NR2C2: variants seen among roughly 807,000 people sequenced by gnomAD.
NR2C2 encodes Nuclear hormone receptor TR4.
A neutral mutation model predicts 62.9 loss-of-function variants in NR2C2; 6 were observed. That is an observed-to-expected ratio of 0.10 (90% CI 0.05 to 0.19). NR2C2 has a LOEUF of 0.19. NR2C2 is among the 10% of genes least tolerant of loss of function. The pLI is 1.00. For missense variants in NR2C2, 479 were observed against 762.7 expected (o/e 0.63, Z 4.38); for synonymous variants, 272 against 273.8 (o/e 0.99, Z 0.07).
At chr3:14,958,920 G>A (rs2039607384) in intron 1 of NR2C2, among the ~76,000 whole-genome samples, 1 of 152,230 alleles carries the variant, frequency 6.6e-6, no homozygotes, top group Admixed American at 6.5e-5. Flanking sequence ...AGGTTGCAGT[G>A]AGCCGAGATC....
rs1434413514 is a variant in NR2C2 at position 15,044,342 on chromosome 3, C to T, written c.*1334C>T. ...CCCAGGTGTGTGCCAGCCGACCACC[C>T]CGGAGCATTTTAAATGCAGGCTGCT... On this transcript the variant is annotated 3_prime_UTR_variant, in exon 14 of 14. Coordinates refer to ENST00000425241, the MANE Select transcript of NR2C2 (RefSeq NM_001291694.2). The T allele has an allele frequency of 2.0e-5, 3 of 152,182 alleles. No individual in the cohort carries two copies. Among genetic ancestry groups the T allele is most frequent in the Non-Finnish European group, 2.9e-5 (2 of 68,042 alleles). The allele number at this position is 152,182 out of a possible 1,614,324, so 9.4% of individuals were successfully genotyped here.
At chr3:15,024,267 T>G in intron 7 of NR2C2, 59 bp downstream of exon 7, 2 of 1,189,174 alleles carry the variant, frequency 1.7e-6, no homozygotes, top group Non-Finnish European at 2.4e-6. Context: ...AGGCTGCTTC[T>G]CTAACTGTGT....
chr3:15,006,004 G>C (rs868484659), intron 2 of NR2C2, among the ~76,000 whole-genome samples: 13 of 152,078 alleles, frequency 8.5e-5, no homozygotes, highest in Non-Finnish European at 1.3e-4. Context: ...CCAGGAGTTC[G>C]AGACCAGCCT....
chr3:15,023,388 A>G (rs374065278), intron 6 of NR2C2, 41 bp downstream of exon 6: 18 of 1,609,064 alleles, frequency 1.1e-5, no homozygotes, highest in Non-Finnish European at 1.2e-5. Context: ...TTTGCAGCTG[A>G]TGGAGGAGGC....
rs2042410429 is a variant in NR2C2, at chr3:15,045,298, G to A, written c.*2290G>A. 6.6e-6 allele frequency: 1 copy of A among 152,470 alleles called. No homozygotes were observed. Among genetic ancestry groups the A allele is most frequent in the African/African-American group, 2.4e-5 (1 of 41,442 alleles). The allele number at this position is 152,470 out of a possible 1,614,324, so 9.4% of individuals were successfully genotyped here. A position where few individuals can be genotyped will look rare whatever the true frequency, so the allele number is the denominator to read the frequency against. On this transcript the variant is annotated 3_prime_UTR_variant, in exon 14 of 14. Transcript: ENST00000425241. ...TCCCAGTTCTTGGTGTTGGTGAAAA[G>A]GTCTCCACCAGCCCCTCCTCTCATT...
chr3:15,042,766 A>G (rs1012896345), intron 13 of NR2C2, 68 bp from the exon 14 acceptor site: 2 of 1,455,410 alleles, frequency 1.4e-6, no homozygotes, highest in African/African-American at 2.8e-5. Flanking sequence ...GGACCCCAGG[A>G]GCCTTTGCTG....
In NR2C2 at chr3:14,979,790, C is replaced by T. The variant is rs368226372; in HGVS notation, c.-39-24086C>T. ...GGAGATGAGGTCAGAGTGGGAGGTG[C>T]GGCCAGATCATTCTGGGTATTATAG... On this transcript the variant is annotated intron_variant, in intron 1 of 13. Coordinates refer to ENST00000425241, the MANE Select transcript of NR2C2 (RefSeq NM_001291694.2). Among the ~76,000 whole-genome samples, 11 of 152,082 alleles carry T rather than the reference C, an allele frequency of 7.2e-5. No homozygotes were observed. In the South Asian group the frequency reaches 1.0e-3, roughly 14 times the overall value.
At chr3:15,000,549 G>T (rs1013122481) in intron 1 of NR2C2, among the ~76,000 whole-genome samples, 4 of 152,102 alleles carry the variant, frequency 2.6e-5, no homozygotes, top group Non-Finnish European at 5.9e-5. Context: ...TGTGATTGCT[G>T]GATTCCACAC....
intron 1 of NR2C2, among the ~76,000 whole-genome samples, chr3:14,971,870 A>G (rs1276513795): frequency 2.0e-4 from 29 of 147,860 alleles, no homozygotes; most frequent in Admixed American, 1.9e-3. Flanking sequence ...GTGCAATGGC[A>G]TGATCTCGGC....
At chr3:15,004,986 C>T (rs1029898054) in intron 2 of NR2C2, among the ~76,000 whole-genome samples, 6 of 152,048 alleles carry the variant, frequency 3.9e-5, no homozygotes, top group Non-Finnish European at 8.8e-5. Flanking sequence ...CTCCTGACCT[C>T]AAGTGATACT....
chr3:14,968,257 T>C (rs2039922239), intron 1 of NR2C2, among the ~76,000 whole-genome samples: 1 of 151,938 alleles, frequency 6.6e-6, no homozygotes, highest in East Asian at 1.9e-4. Flanking sequence ...AGGGCTAATA[T>C]CCAGAATCTA....
At chr3:14,974,782 T>C (rs918682480) in intron 1 of NR2C2, among the ~76,000 whole-genome samples, 38 of 152,236 alleles carry the variant, frequency 2.5e-4, no homozygotes, top group African/African-American at 7.9e-4. Flanking sequence ...TTTTGTATTT[T>C]TACTAGAGAC....
intron 2 of NR2C2, among the ~76,000 whole-genome samples, chr3:15,011,105 C>T (rs1040318885): frequency 3.9e-5 from 6 of 152,096 alleles, no homozygotes; most frequent in East Asian, 1.9e-4. Flanking sequence ...GAGGCCAAGG[C>T]GGCAGGATCA....
chr3:14,981,112 A>G (rs1205348217), intron 1 of NR2C2, among the ~76,000 whole-genome samples: 1 of 152,204 alleles, frequency 6.6e-6, no homozygotes, highest in East Asian at 1.9e-4. Context: ...TAACAATAAT[A>G]GCTATTAAAC....
chr3:15,011,967 C>T (rs2041367051), intron 2 of NR2C2, among the ~76,000 whole-genome samples: 1 of 152,118 alleles, frequency 6.6e-6, no homozygotes, highest in South Asian at 2.1e-4. Flanking sequence ...ATTATTTATT[C>T]AGAGTTCATG....
chr3:14,968,860 T>C (rs1324535626), intron 1 of NR2C2, among the ~76,000 whole-genome samples: 1 of 145,848 alleles, frequency 6.9e-6, no homozygotes, highest in South Asian at 2.2e-4. Flanking sequence ...TTGGAAATCA[T>C]CATTCTCAGT....
At chr3:14,967,731 CAA>C (rs1459245394) in intron 1 of NR2C2, among the ~76,000 whole-genome samples, 1 of 152,048 alleles carries the variant, frequency 6.6e-6, no homozygotes, top group Non-Finnish European at 1.5e-5. Flanking sequence ...TAAGATTTCC[CAA>C]ACTATACTAC....
At chr3:14,986,362 A>C (rs535303675) in intron 1 of NR2C2, among the ~76,000 whole-genome samples, 8 of 152,220 alleles carry the variant, frequency 5.3e-5, no homozygotes, top group Non-Finnish European at 1.2e-4. Context: ...AGAAGATACA[A>C]TTGTTTTGTA....
At chr3:15,036,319 C>T (rs1427558526) in intron 11 of NR2C2, among the ~76,000 whole-genome samples, 1 of 152,118 alleles carries the variant, frequency 6.6e-6, no homozygotes, top group Non-Finnish European at 1.5e-5. Context: ...TCTGTGGCAA[C>T]TATCTAGTAT....
Sources: allele counts gnomAD v4.1 joint callset (sites outside exome capture counted in the v4.1 genomes callset), GRCh38; gene constraint gnomAD v4.1.1; transcripts MANE v1.5; gene names NCBI Gene and HGNC (gene_info 2026-07-23, HGNC 2026-07-21).